Variants in AGAP1 observed in about 807,000 individuals in gnomAD.
The protein encoded by AGAP1 is arf-GAP with GTPase, ANK repeat and PH domain-containing protein 1.
Under a neutral mutation model 105.3 loss-of-function variants are expected in AGAP1, and 29 were observed. That is an observed-to-expected ratio of 0.28 (90% CI 0.21 to 0.38). AGAP1 has a LOEUF of 0.38. Among genes scored for constraint, AGAP1 ranks in the 10% least tolerant of loss-of-function variants. The probability of loss-of-function intolerance (pLI) is 1.00; values close to 1 mark genes in which losing one functional copy is unlikely to be tolerated. For missense variants in AGAP1, 998 were observed against 1,165.1 expected, an observed-to-expected ratio of 0.86 and a Z score of 2.09; for synonymous variants, 509 against 485.9, an observed-to-expected ratio of 1.05 and a Z score of -0.63.
rs1044877852 is a variant in AGAP1, at chr2:236,109,141, C to T, written c.2115-11051C>T. Among the ~76,000 whole-genome samples the T allele has an allele frequency of 5.9e-5, 9 of 152,030 alleles. No homozygotes were observed. Among genetic ancestry groups the T allele is most frequent in the Non-Finnish European group, 7.3e-5 (5 of 68,042 alleles). On this transcript the variant is annotated intron_variant, in intron 16 of 17. Transcript: ENST00000304032. This position sits in a 1 kb window ranked among gnomAD's most constrained non-coding sequence, Gnocchi z 5.4. Reference sequence around the variant, plus strand: ...AGTTGTGTGTAGGTGTGACTCTCCCCGCGCTCTCCAGGTGTCCCCAGAGGT... The same window carrying T: ...AGTTGTGTGTAGGTGTGACTCTCCCTGCGCTCTCCAGGTGTCCCCAGAGGT...
At chr2:235,763,010 C>T (rs569341798) in intron 6 of AGAP1, among the ~76,000 whole-genome samples, 11 of 151,160 alleles carry the variant, frequency 7.3e-5, no homozygotes, top group Non-Finnish European at 1.5e-4. Flanking sequence ...CACTGCCACC[C>T]GGGGGCAATG....
At chr2:236,122,289 C>T (rs1362288430) in intron 17 of AGAP1, among the ~76,000 whole-genome samples, 2 of 152,088 alleles carry the variant, frequency 1.3e-5, no homozygotes, top group Non-Finnish European at 2.9e-5. Context: ...CTATTGTGAC[C>T]TCATTTAAGC....
At chr2:235,685,737 C>T (rs1311959135) in intron 1 of AGAP1, among the ~76,000 whole-genome samples, 6 of 151,928 alleles carry the variant, frequency 3.9e-5, no homozygotes, top group Non-Finnish European at 7.4e-5. Context: ...CTGTGAACCC[C>T]GAAAATTTGA....
chr2:236,033,629 G>A (rs144507348), intron 13 of AGAP1, among the ~76,000 whole-genome samples: 6 of 152,320 alleles, frequency 3.9e-5, no homozygotes, highest in African/African-American at 9.6e-5. Flanking sequence ...TCCTCACCAC[G>A]TAGACACGTT....
At chr2:235,522,140 G>A (rs760465818) in intron 1 of AGAP1, among the ~76,000 whole-genome samples, 44 of 152,328 alleles carry the variant, frequency 2.9e-4, no homozygotes, top group Middle Eastern at 6.8e-3. Flanking sequence ...CTGTTTAGGG[G>A]TGATGAGGCT....
At chr2:235,765,907 T>A (rs1477895885) in intron 6 of AGAP1, among the ~76,000 whole-genome samples, 1 of 152,202 alleles carries the variant, frequency 6.6e-6, no homozygotes, top group Admixed American at 6.5e-5. Flanking sequence ...TGGCCTGACC[T>A]CTAGATGTGT....
chr2:235,671,638 C>G (rs1351217261), intron 1 of AGAP1, among the ~76,000 whole-genome samples: 1 of 152,214 alleles, frequency 6.6e-6, no homozygotes, highest in Non-Finnish European at 1.5e-5. Context: ...ACGGAGGCCC[C>G]TCTCTCCACA....
In AGAP1 at chr2:235,741,713, A is replaced by G. The variant is rs545614976; in HGVS notation, c.396+665A>G. Among the ~76,000 whole-genome samples the G allele has an allele frequency of 6.5e-4, 96 of 147,012 alleles. No individual in the cohort carries two copies. Among genetic ancestry groups the G allele is most frequent in the African/African-American group, 1.9e-3 (74 of 38,314 alleles). On this transcript the variant is annotated intron_variant, in intron 4 of 17. Transcript: ENST00000304032. The surrounding 1 kb of genome is among the most constrained non-coding windows in gnomAD (Gnocchi z 4.9). ...CTTTATTATTATTGTTATTATTATTATTGTTGTTGTTGTTATTATTATTAT... is the reference window on the plus strand; with the variant it reads ...CTTTATTATTATTGTTATTATTATTGTTGTTGTTGTTGTTATTATTATTAT...
intron 16 of AGAP1, among the ~76,000 whole-genome samples, chr2:236,099,268 G>T (rs889266745): frequency 6.6e-6 from 1 of 151,880 alleles, no homozygotes; most frequent in African/African-American, 2.4e-5. Context: ...CTGACTAACA[G>T]GGTGAAACCC....
intron 9 of AGAP1, among the ~76,000 whole-genome samples, chr2:235,851,841 G>A (rs375878516): frequency 6.6e-6 from 1 of 152,182 alleles, no homozygotes; most frequent in Non-Finnish European, 1.5e-5. Flanking sequence ...CACCTCGCAC[G>A]TCTCATCTGC....
intron 16 of AGAP1, among the ~76,000 whole-genome samples, chr2:236,099,780 C>A (rs1447095238): frequency 6.6e-6 from 1 of 152,174 alleles, no homozygotes; most frequent in Admixed American, 6.5e-5. Context: ...TGGCTCACAC[C>A]TGTAAGCCCA....
intron 16 of AGAP1, among the ~76,000 whole-genome samples, chr2:236,054,523 A>T (rs1174038182): frequency 1.3e-5 from 2 of 151,986 alleles, no homozygotes; most frequent in Non-Finnish European, 2.9e-5. Context: ...AGGAGAAAAA[A>T]AATAAAAAAA....
intron 1 of AGAP1, among the ~76,000 whole-genome samples, chr2:235,704,544 G>A (rs2149490380): frequency 6.6e-6 from 1 of 152,328 alleles, no homozygotes; most frequent in African/African-American, 2.4e-5. Flanking sequence ...TACTCGAGAG[G>A]CTGAGGCAGG....
chr2:235,623,387 T>C lies in AGAP1; in HGVS notation c.164-85792T>C, dbSNP rs1307712664. Among the ~76,000 whole-genome samples, 2 of 152,194 alleles carry C rather than the reference T, an allele frequency of 1.3e-5. No individual in the cohort carries two copies. Among genetic ancestry groups the C allele is most frequent in the East Asian group, 3.8e-4 (2 of 5,200 alleles). On this transcript the variant is annotated intron_variant, in intron 1 of 17. Transcript: ENST00000304032. This position sits in a 1 kb window ranked among gnomAD's most constrained non-coding sequence, Gnocchi z 4.5. The stretch of plus-strand genomic sequence containing the variant: ...CATGTTTTGGGGATGGAAAATTAGT[T>C]AATTTGGAGATGGTGGGTTATTAGA...
At chr2:235,718,150 C>T (rs1951212679) in intron 3 of AGAP1, among the ~76,000 whole-genome samples, 2 of 151,116 alleles carry the variant, frequency 1.3e-5, no homozygotes, top group Admixed American at 1.3e-4. Flanking sequence ...TTTTTTTTGC[C>T]ATTAGGCATT....
chr2:235,928,734 A>G (rs1189043157), intron 11 of AGAP1, among the ~76,000 whole-genome samples: 1 of 152,086 alleles, frequency 6.6e-6, no homozygotes, highest in Non-Finnish European at 1.5e-5. Context: ...CCCTATTGTA[A>G]TAGGGATCTG....
rs1458120450 is a variant in AGAP1 at position 235,845,235 on chromosome 2, A to G, written c.1050+37904A>G. On this transcript the variant is annotated intron_variant, in intron 9 of 17. Transcript: ENST00000304032. This position sits in a 1 kb window ranked among gnomAD's most constrained non-coding sequence, Gnocchi z 4.8. ...TCCCAGGATCTCACAAAGGCCCAGCAGCAAGTACAGGGGAGACAGCCAGAC... is the reference window on the plus strand; with the variant it reads ...TCCCAGGATCTCACAAAGGCCCAGCGGCAAGTACAGGGGAGACAGCCAGAC... Among the ~76,000 whole-genome samples, 3 of 152,208 alleles carry G rather than the reference A, an allele frequency of 2.0e-5. No homozygotes were observed. The highest frequency in any genetic ancestry group is 4.4e-5 in the Non-Finnish European group (3 of 68,038).
At position 235,557,803 on chromosome 2, in the gene AGAP1, CT is replaced by C. The variant is rs1490710094; in HGVS notation, c.163+62956del. 6.6e-6 allele frequency among the ~76,000 whole-genome samples: 1 copy of C among 152,158 alleles called. No homozygotes were observed. The highest frequency in any genetic ancestry group is 6.5e-5 in the Admixed American group (1 of 15,284). On this transcript the variant is annotated intron_variant, in intron 1 of 17. Coordinates refer to ENST00000304032, the MANE Select transcript of AGAP1 (RefSeq NM_001037131.3). The surrounding 1 kb of genome is among the most constrained non-coding windows in gnomAD (Gnocchi z 4.7). ...GGTTGTGCCTTATGAAAACAACGGA[CT>C]TGGCTACATTTCGACAAGGGGAAGT...
At chr2:235,802,285 G>A (rs1203421133) in intron 8 of AGAP1, among the ~76,000 whole-genome samples, 1 of 152,188 alleles carries the variant, frequency 6.6e-6, no homozygotes, top group Admixed American at 6.5e-5. Flanking sequence ...AAGAGGCCGG[G>A]CAGGGCAGGT....
Sources: gnomAD v4.1 joint callset for allele counts (sites outside exome capture counted in the v4.1 genomes callset) on GRCh38, gnomAD v4.1.1 for gene constraint, Gnocchi (gnomAD v3.1) non-coding constraint, MANE v1.5 for transcripts, NCBI Gene and HGNC (gene_info 2026-07-23, HGNC 2026-07-21) for gene names.